C1orf116: variants seen among roughly 807,000 people sequenced by gnomAD.
C1orf116 encodes the protein specifically androgen-regulated gene protein.
A neutral mutation model predicts 14.1 loss-of-function variants in C1orf116; 12 were observed. The observed-to-expected ratio is 0.85, with a 90% CI of 0.54 to 1.38. The LOEUF (loss-of-function observed/expected upper bound fraction) is 1.38. Ranked by LOEUF, C1orf116 falls within the 40% of genes most tolerant of loss-of-function variation. The pLI, the probability that C1orf116 is intolerant of heterozygous loss-of-function variation, is 0.00. For missense variants in C1orf116, 797 were observed against 747.0 expected, an observed-to-expected ratio of 1.07 and a Z score of -0.78; for synonymous variants, 296 against 299.0, an observed-to-expected ratio of 0.99 and a Z score of 0.10.
Position 207,022,193 on chromosome 1 carries a change from C to A in C1orf116, c.1571G>T (p.Arg524Leu). Residue 524 changes from arginine to leucine, a missense_variant, in exon 4 of 4, where the codon CGT (arginine) becomes CTT (leucine). Transcript: ENST00000359470. Reference sequence around the variant, plus strand: ...GGAGGCCGGGCGGGGCCGAGAATTACGTAAGACACTGGGCGAGATCTTGTC... The same window carrying A: ...GGAGGCCGGGCGGGGCCGAGAATTAAGTAAGACACTGGGCGAGATCTTGTC... ...FLDKISPSVLRNSRPRPASLG... is the reference protein window; with the variant it reads ...FLDKISPSVLLNSRPRPASLG... The A allele has an allele frequency of 6.2e-7, 1 of 1,614,096 alleles. No homozygotes were observed. Among genetic ancestry groups the A allele is most frequent in the Non-Finnish European group, 8.5e-7 (1 of 1,179,996 alleles).
Position 207,018,622 on chromosome 1 carries a change from A to G in C1orf116, c.*3336T>C, listed in dbSNP as rs1226289186. ...TCAACAATCTTGAAAGGGTGGTATTATTTTCCCCGTCTTATAGGTGAAGAC... is the reference window on the plus strand; with the variant it reads ...TCAACAATCTTGAAAGGGTGGTATTGTTTTCCCCGTCTTATAGGTGAAGAC... On this transcript the variant is annotated 3_prime_UTR_variant, in exon 4 of 4. Transcript: ENST00000359470. The G allele has an allele frequency of 6.6e-6, 1 of 152,130 alleles. No individual in the cohort carries two copies. Among genetic ancestry groups the G allele is most frequent in the Non-Finnish European group, 1.5e-5 (1 of 68,028 alleles). 9.4% of individuals were successfully genotyped at this position (152,130 alleles called of 1,614,324 possible).
rs535657930 is a variant in C1orf116 at position 207,031,998 on chromosome 1, C to T, written c.-82+581G>A. 3.9e-5 allele frequency among the ~76,000 whole-genome samples: 6 copies of T among 152,312 alleles called. No individual in the cohort carries two copies. In the South Asian group the frequency reaches 1.2e-3, roughly 32 times the overall value. ...ATGAGCTGGTAGCTGAAGTTTTCTC[C>T]ATGTGCCCCAACCTCATATCCCTTT... On this transcript the variant is annotated intron_variant, in intron 1 of 3. Coordinates refer to ENST00000359470, the MANE Select transcript of C1orf116 (RefSeq NM_023938.6).
At chr1:207,025,391 T>C (rs569862481) in intron 2 of C1orf116, among the ~76,000 whole-genome samples, 99 of 152,246 alleles carry the variant, frequency 6.5e-4, no homozygotes, top group Non-Finnish European at 1.3e-3. Context: ...GCTTGAATGC[T>C]TAGGGGCACA....
chr1:207,028,613 C>G (rs1682152562), intron 1 of C1orf116, among the ~76,000 whole-genome samples: 1 of 152,142 alleles, frequency 6.6e-6, no homozygotes, highest in South Asian at 2.1e-4. Context: ...GAGAAATGTC[C>G]CATGTAGCTT....
chr1:207,023,464 G>A lies in C1orf116; in HGVS notation c.300C>T (p.Thr100=), dbSNP rs1297654172. The A allele has an allele frequency of 1.2e-6, 2 of 1,611,656 alleles. No homozygotes were observed. The highest frequency in any genetic ancestry group is 1.7e-5 in the Admixed American group (1 of 59,822). Residue 100 remains threonine, a synonymous_variant, in exon 4 of 4, where the codon ACC becomes ACT. Coordinates refer to ENST00000359470, the MANE Select transcript of C1orf116 (RefSeq NM_023938.6). ...TTGGCGTTCGTCCTTGCTGAGTGAT[G>A]GTCTCCTCTGGACCTCCTGTGAGGG... The part of the protein sequence containing the change: ...QPTPRGGPEE[T]ITQQGRTPRT...
Position 207,027,508 on chromosome 1 carries a change from T to C in C1orf116, c.91A>G (p.Thr31Ala). ...GTATTACGTACAGATCCAGAGCGGG[T>C]GGAGGTGCTGCTCATCATGCTGTCA... ...SCDSMMSSTS[T>A]RSGSSDSSYD... The change falls in exon 2 of 4, where the codon ACC becomes GCC. Residue 31 changes from threonine (T) to alanine (A), a missense_variant. Physicochemically the swap from Thr to Ala is moderately conservative, Grantham distance 58 (BLOSUM62 0). Coordinates refer to ENST00000359470, the MANE Select transcript of C1orf116 (RefSeq NM_023938.6). The C allele has an allele frequency of 6.2e-7, 1 of 1,613,510 alleles. No individual in the cohort carries two copies.
chr1:207,027,346 A>G (rs1682109304), intron 2 of C1orf116, 148 bp downstream of exon 2: 2 of 1,013,326 alleles, frequency 2.0e-6, no homozygotes, highest in Non-Finnish European at 2.9e-6. Flanking sequence ...TCAGGCAGAA[A>G]GCACCCACTG....
At position 207,022,808 on chromosome 1, in the gene C1orf116, TG is replaced by T. The variant is rs1558043611; in HGVS notation, c.955del (p.Gln319SerfsTer17). 6.2e-7 allele frequency: 1 copy of T among 1,613,988 alleles called. No homozygotes were observed. Among genetic ancestry groups the T allele is most frequent in the South Asian group, 1.1e-5 (1 of 91,068 alleles). On this transcript the variant is annotated frameshift_variant, in exon 4 of 4. Coordinates refer to ENST00000359470, the MANE Select transcript of C1orf116 (RefSeq NM_023938.6). LOFTEE classifies it low-confidence loss of function (END_TRUNC). ...SSRSSFHSDP[Q>X]HWLSRHTEAA... ...CTCAGTGTGGCGGGACAGCCAGTGCTGGGGGTCACTGTGGAAACTGCTTCGG... is the reference window on the plus strand; with the variant it reads ...CTCAGTGTGGCGGGACAGCCAGTGCTGGGGTCACTGTGGAAACTGCTTCGG...
In C1orf116 at chr1:207,021,807, T is replaced by C; in HGVS notation, c.*151A>G. The C allele has an allele frequency of 1.4e-6, 1 of 711,946 alleles. No homozygotes were observed. Among genetic ancestry groups the C allele is most frequent in the East Asian group, 2.8e-5 (1 of 35,542 alleles). The allele number at this position is 711,946 out of a possible 1,614,324, so 44.1% of individuals were successfully genotyped here. A position where few individuals can be genotyped will look rare whatever the true frequency, so the allele number is the denominator to read the frequency against. On this transcript the variant is annotated 3_prime_UTR_variant, in exon 4 of 4. Transcript: ENST00000359470. ...CAGAATGATCCACATGGGAACTCAA[T>C]GGCACAACACTGAATATAAATGTAT...
In C1orf116 at chr1:207,018,657, C is replaced by G. The variant is rs755027809; in HGVS notation, c.*3301G>C. The G allele has an allele frequency of 6.6e-6, 1 of 152,150 alleles. No individual in the cohort carries two copies. The highest frequency in any genetic ancestry group is 2.4e-5 in the African/African-American group (1 of 41,412). The allele number at this position is 152,150 out of a possible 1,614,324, so 9.4% of individuals were successfully genotyped here. ...TCTTATAGGTGAAGACTCTGAGGTT[C>G]AGAAAGTTAAAGTGATATCGCCAGG... On this transcript the variant is annotated 3_prime_UTR_variant, in exon 4 of 4. Coordinates refer to ENST00000359470, the MANE Select transcript of C1orf116 (RefSeq NM_023938.6).
Position 207,023,317 on chromosome 1 carries a change from GC to G in C1orf116, c.446del (p.Ser149ThrfsTer142). The G allele has an allele frequency of 6.2e-7, 1 of 1,614,192 alleles. No individual in the cohort carries two copies. The highest frequency in any genetic ancestry group is 8.5e-7 in the Non-Finnish European group (1 of 1,180,014). On this transcript the variant is annotated frameshift_variant, in exon 4 of 4. Coordinates refer to ENST00000359470, the MANE Select transcript of C1orf116 (RefSeq NM_023938.6). LOFTEE classifies it low-confidence loss of function (END_TRUNC). ...HIARSQNFRK[S>X]TTQASSHNPG... ...GGTTGTGACTGCTAGCCTGGGTGGT[GC>G]TTTTCCTGAAGTTCTGGCTTCTGGC...
intron 1 of C1orf116, among the ~76,000 whole-genome samples, chr1:207,029,168 T>A (rs1349884334): frequency 6.6e-6 from 1 of 151,490 alleles, no homozygotes; most frequent in East Asian, 1.9e-4. Context: ...GGGAGGAGTC[T>A]CTTAAAAGGG....
rs773818164 is a variant in C1orf116, at chr1:207,022,317, T to C, written c.1447A>G (p.Thr483Ala). Residue 483 changes from threonine to alanine, a missense_variant, in exon 4 of 4, where the codon ACT becomes GCT. By Grantham distance (58) the Thr-to-Ala change is moderately conservative. Coordinates refer to ENST00000359470, the MANE Select transcript of C1orf116 (RefSeq NM_023938.6). ...GLRQMNFKSNTLERSGVGLSS... is the reference protein window; with the variant it reads ...GLRQMNFKSNALERSGVGLSS... ...AGTCCCACGCCTGAGCGCTCCAGAGTGTTGGACTTGAAGTTCATCTGTCTC... is the reference window on the plus strand; with the variant it reads ...AGTCCCACGCCTGAGCGCTCCAGAGCGTTGGACTTGAAGTTCATCTGTCTC... The C allele has an allele frequency of 1.9e-6, 3 of 1,613,608 alleles. No individual in the cohort carries two copies. The highest frequency in any genetic ancestry group is 2.7e-5 in the African/African-American group (2 of 74,878).
At position 207,023,170 on chromosome 1, in the gene C1orf116, G is replaced by T; in HGVS notation, c.594C>A (p.Ile198=). ...EAALDLDVVL[I]PPPEAFRDTQ... ...TGTCCCGGAAAGCTTCTGGCGGAGG[G>T]ATGAGCACCACGTCCAAGTCAAGGG... Residue 198 remains isoleucine (I), a synonymous_variant, in exon 4 of 4, where the codon ATC becomes ATA. Transcript: ENST00000359470. The T allele has an allele frequency of 6.2e-7, 1 of 1,610,372 alleles. No homozygotes were observed. The highest frequency in any genetic ancestry group is 8.5e-7 in the Non-Finnish European group (1 of 1,178,070).
At position 207,022,222 on chromosome 1, in the gene C1orf116, G is replaced by A. The variant is rs1182730675; in HGVS notation, c.1542C>T (p.Phe514=). ...AGACACTGGGCGAGATCTTGTCCAAGAAGGAGCCCTTTCCCAGAGAAGTGC... is the reference window on the plus strand; with the variant it reads ...AGACACTGGGCGAGATCTTGTCCAAAAAGGAGCCCTTTCCCAGAGAAGTGC... ...KTSTSLGKGS[F]LDKISPSVLR... Residue 514 remains phenylalanine, a synonymous_variant, in exon 4 of 4, where the codon TTC becomes TTT. Transcript: ENST00000359470. The A allele has an allele frequency of 4.3e-6, 7 of 1,614,046 alleles. No individual in the cohort carries two copies. In the East Asian group the frequency reaches 1.1e-4, roughly 26 times the overall value.
chr1:207,027,639 G>C lies in C1orf116; in HGVS notation c.-41C>G. 1 of 1,600,736 alleles carries C rather than the reference G, an allele frequency of 6.2e-7. No homozygotes were observed. Among genetic ancestry groups the C allele is most frequent in the Non-Finnish European group, 8.5e-7 (1 of 1,177,318 alleles). On this transcript the variant is annotated 5_prime_UTR_variant, in exon 2 of 4. Transcript: ENST00000359470. ...GCAGGGATGGCAAAGGGGGCTTCTA[G>C]AGGGGAAGCGAGGGGAAGTGAACAA...
At chr1:207,025,685 T>C (rs1048593264) in intron 2 of C1orf116, among the ~76,000 whole-genome samples, 5 of 152,252 alleles carry the variant, frequency 3.3e-5, no homozygotes, top group African/African-American at 1.2e-4. Flanking sequence ...TGTACTTGAC[T>C]TTGAAATGCA....
chr1:207,032,551 A>C (rs1682279162), intron 1 of C1orf116, 28 bp downstream of exon 1: 3 of 984,972 alleles, frequency 3.0e-6, no homozygotes, highest in Non-Finnish European at 3.6e-6. Context: ...CTATAGGATA[A>C]GCAATAGTTG....
intron 1 of C1orf116, among the ~76,000 whole-genome samples, chr1:207,030,355 G>A (rs1349327707): frequency 6.6e-6 from 1 of 152,104 alleles, no homozygotes; most frequent in East Asian, 1.9e-4. Flanking sequence ...CCCGAGAATG[G>A]TTACTAGCCA....
Sources: allele counts gnomAD v4.1 joint callset (sites outside exome capture counted in the v4.1 genomes callset), GRCh38; gene constraint gnomAD v4.1.1; transcripts MANE v1.5; gene names NCBI Gene and HGNC (gene_info 2026-07-23, HGNC 2026-07-21).